The following NTRK2 variants were observed in gnomAD, a reference collection of about 807,000 sequenced individuals.
NTRK2 encodes the protein neurotrophic receptor tyrosine kinase 2.
NTRK2 carries 13 observed loss-of-function variants against 94.5 expected under a neutral mutation model. That is an observed-to-expected ratio of 0.14 (90% CI 0.09 to 0.22). The LOEUF (loss-of-function observed/expected upper bound fraction) is 0.22, where lower values mean the gene tolerates loss of function less well. Among genes scored for constraint, NTRK2 ranks in the 10% least tolerant of loss-of-function variants. The pLI is 1.00. For synonymous variants in NTRK2, 372 were observed against 407.4 expected (o/e 0.91, Z 1.05); for missense variants, 639 against 1,071.2 (o/e 0.60, Z 5.63).
chr9:84,673,092 G>A (rs2058802446), intron 2 of NTRK2, among the ~76,000 whole-genome samples: 2 of 152,162 alleles, frequency 1.3e-5, no homozygotes, highest in Non-Finnish European at 2.9e-5. Flanking sequence ...GGGTAGATGT[G>A]AGTCCTGAGA....
chr9:84,917,171 T>A (rs767677135), intron 14 of NTRK2, among the ~76,000 whole-genome samples: 15 of 152,236 alleles, frequency 9.9e-5, no homozygotes, highest in Non-Finnish European at 1.8e-4. Context: ...CAGTCAATGG[T>A]GTCAGGTGAG....
chr9:84,947,290 T>C (rs898155323), intron 15 of NTRK2, among the ~76,000 whole-genome samples: 1 of 152,114 alleles, frequency 6.6e-6, no homozygotes, highest in African/African-American at 2.4e-5. Context: ...TGTAATGACA[T>C]TGGGCCCTCC....
chr9:84,840,577 G>A (rs1377690337), intron 12 of NTRK2, among the ~76,000 whole-genome samples: 2 of 151,856 alleles, frequency 1.3e-5, no homozygotes, highest in East Asian at 1.9e-4. Flanking sequence ...TTCCTGCAGC[G>A]TTACATTTTC....
At chr9:84,672,176 G>T (rs1220361493) in intron 2 of NTRK2, among the ~76,000 whole-genome samples, 1 of 152,174 alleles carries the variant, frequency 6.6e-6, no homozygotes, top group Non-Finnish European at 1.5e-5. Flanking sequence ...TTTAATGTAA[G>T]TAAGAGACCT....
In NTRK2 at chr9:84,978,204, C is replaced by T. The variant is rs1022670082; in HGVS notation, c.2172+22687C>T. On this transcript the variant is annotated intron_variant, in intron 17 of 18. Coordinates refer to ENST00000277120, the MANE Select transcript of NTRK2 (RefSeq NM_006180.6). ...ATTAAACTTAGTAAGGAAGGCATGT[C>T]GAAAGCCATGGTAGGTGAAAAGCGA... 2.6e-5 allele frequency among the ~76,000 whole-genome samples: 4 copies of T among 152,142 alleles called. No individual in the cohort carries two copies. In the South Asian group the frequency reaches 6.2e-4, roughly 24 times the overall value.
intron 12 of NTRK2, among the ~76,000 whole-genome samples, chr9:84,768,876 C>T (rs979589387): frequency 2.0e-5 from 3 of 152,070 alleles, no homozygotes; most frequent in Non-Finnish European, 4.4e-5. Flanking sequence ...ACCAATGTAA[C>T]AGGACTGGTT....
intron 15 of NTRK2, among the ~76,000 whole-genome samples, chr9:84,938,005 A>G (rs905579756): frequency 6.6e-6 from 1 of 152,170 alleles, no homozygotes; most frequent in African/African-American, 2.4e-5. Flanking sequence ...TGAATAGGAG[A>G]GAGACCTTAG....
At chr9:84,994,385 C>T (rs1305709832) in intron 17 of NTRK2, among the ~76,000 whole-genome samples, 1 of 152,146 alleles carries the variant, frequency 6.6e-6, no homozygotes, top group Non-Finnish European at 1.5e-5. Context: ...ACAGACTTTT[C>T]CCAGATAACA....
intron 12 of NTRK2, among the ~76,000 whole-genome samples, chr9:84,777,462 G>A (rs1369168010): frequency 6.6e-6 from 1 of 152,212 alleles, no homozygotes; most frequent in African/African-American, 2.4e-5. Context: ...TCCACAAAGA[G>A]CCTGAAACTT....
At chr9:84,741,242 A>G (rs947786117) in intron 9 of NTRK2, among the ~76,000 whole-genome samples, 1 of 152,244 alleles carries the variant, frequency 6.6e-6, no homozygotes, top group African/African-American at 2.4e-5. Flanking sequence ...AATTAAATTG[A>G]TAACTTTTAC....
At chr9:84,725,912 A>T (rs968868511) in intron 8 of NTRK2, among the ~76,000 whole-genome samples, 2 of 152,144 alleles carry the variant, frequency 1.3e-5, no homozygotes, top group African/African-American at 2.4e-5. Context: ...ACAGGTGCTC[A>T]GTTGAGAGGA....
chr9:84,696,583 G>A (rs934743364), intron 2 of NTRK2, among the ~76,000 whole-genome samples: 1 of 152,340 alleles, frequency 6.6e-6, no homozygotes, highest in Admixed American at 6.5e-5. Flanking sequence ...GGAGATCAGT[G>A]AGATGAGATG....
chr9:84,696,246 C>T (rs116006395), intron 2 of NTRK2, among the ~76,000 whole-genome samples: 2 of 152,078 alleles, frequency 1.3e-5, no homozygotes, highest in Non-Finnish European at 2.9e-5. Flanking sequence ...GGACTCAAGC[C>T]TCCTGCCTTG....
At chr9:84,728,816 T>C (rs1292643543) in intron 9 of NTRK2, among the ~76,000 whole-genome samples, 1 of 152,190 alleles carries the variant, frequency 6.6e-6, no homozygotes, top group Non-Finnish European at 1.5e-5. Context: ...AGTGTGAGCT[T>C]CAGGAACAGT....
At chr9:85,009,900 A>G (rs961267776) in intron 17 of NTRK2, among the ~76,000 whole-genome samples, 1 of 152,226 alleles carries the variant, frequency 6.6e-6, no homozygotes, top group Non-Finnish European at 1.5e-5. Flanking sequence ...AGCAGAATGA[A>G]CTTCCCCAGC....
Position 85,024,271 on chromosome 9 carries a change from A to G in NTRK2, c.*2834A>G. 1 of 232,342 alleles carries G rather than the reference A, an allele frequency of 4.3e-6. No individual in the cohort carries two copies. The highest frequency in any genetic ancestry group is 8.5e-6 in the Non-Finnish European group (1 of 117,498). The allele number at this position is 232,342 out of a possible 1,614,324, so 14.4% of individuals were successfully genotyped here. A position where few individuals can be genotyped will look rare whatever the true frequency, so the allele number is the denominator to read the frequency against. On this transcript the variant is annotated 3_prime_UTR_variant, in exon 19 of 19. Transcript: ENST00000277120. ...TTGTTCCTCCACCACCCCCTTTCTCATGGTCTGATTTTTAGAAGAGTGGCA... is the reference window on the plus strand; with the variant it reads ...TTGTTCCTCCACCACCCCCTTTCTCGTGGTCTGATTTTTAGAAGAGTGGCA...
intron 1 of NTRK2, among the ~76,000 whole-genome samples, chr9:84,670,125 T>C (rs1448696048): frequency 6.6e-6 from 1 of 151,856 alleles, no homozygotes; most frequent in Middle Eastern, 3.4e-3. Context: ...TGGAATCCTG[T>C]CTTGGGGACC....
At chr9:84,739,252 TG>T (rs1440612518) in intron 9 of NTRK2, among the ~76,000 whole-genome samples, 1 of 152,180 alleles carries the variant, frequency 6.6e-6, no homozygotes, top group East Asian at 1.9e-4. Flanking sequence ...GGTTTCCCCA[TG>T]TTGCCCAGGC....
intron 17 of NTRK2, among the ~76,000 whole-genome samples, chr9:85,003,558 AC>A (rs1404729544): frequency 6.6e-6 from 1 of 152,150 alleles, no homozygotes; most frequent in East Asian, 1.9e-4. Flanking sequence ...GCTGAGCTGC[AC>A]CTGTGTCAGG....
Sources: allele counts gnomAD v4.1 joint callset (sites outside exome capture counted in the v4.1 genomes callset), GRCh38; gene constraint gnomAD v4.1.1; transcripts MANE v1.5; gene names NCBI Gene and HGNC (gene_info 2026-07-23, HGNC 2026-07-21).